MAPK14: variants seen among roughly 807,000 people sequenced by gnomAD.
MAPK14 encodes the protein CSAID-binding protein.
In MAPK14, 16 loss-of-function variants were observed where a neutral mutation model predicts 49.6. The ratio of observed to expected loss-of-function variants is 0.32; its 90% confidence interval spans 0.22 to 0.49. MAPK14 has a LOEUF of 0.49. Ranked by LOEUF, MAPK14 falls within the 20% of genes least tolerant of loss-of-function variation. The pLI is 0.99. For synonymous variants in MAPK14, 142 were observed against 158.0 expected, an observed-to-expected ratio of 0.90 and a Z score of 0.76; for missense variants, 200 against 441.2, an observed-to-expected ratio of 0.45 and a Z score of 4.90.
downstream of MAPK14, among the ~76,000 whole-genome samples, chr6:36,116,064 A>C (rs557409307): frequency 1.8e-3 from 281 of 152,320 alleles, 1 homozygote; most frequent in African/African-American, 6.3e-3. Context: ...AGCCATGATC[A>C]TTCCACTGCA....
chr6:36,037,345 T>G (rs921625458), intron 1 of MAPK14, among the ~76,000 whole-genome samples: 12 of 152,228 alleles, frequency 7.9e-5, no homozygotes, highest in Admixed American at 7.9e-4. Context: ...TGGTGGTTTG[T>G]AAATTCTGTA....
intron 8 of MAPK14, among the ~76,000 whole-genome samples, chr6:36,080,406 C>G (rs1179754367): frequency 6.6e-6 from 1 of 152,132 alleles, no homozygotes; most frequent in Non-Finnish European, 1.5e-5. Flanking sequence ...TTCTTTCTGT[C>G]TCTGTGGATT....
intron 8 of MAPK14, among the ~76,000 whole-genome samples, chr6:36,079,590 G>A (rs543058187): frequency 1.1e-4 from 16 of 152,300 alleles, no homozygotes; most frequent in East Asian, 5.8e-4. Context: ...CGTGCAGCCC[G>A]CAGGCCCTGG....
At chr6:36,075,311 A>C (rs1410265890) in intron 6 of MAPK14, among the ~76,000 whole-genome samples, 1 of 151,658 alleles carries the variant, frequency 6.6e-6, no homozygotes, top group Non-Finnish European at 1.5e-5. Context: ...GCTCCAGGCA[A>C]CTATGGATCT....
chr6:36,071,312 G>T, intron 3 of MAPK14, among the ~76,000 whole-genome samples: 1 of 151,440 alleles, frequency 6.6e-6, no homozygotes, highest in South Asian at 2.1e-4. Context: ...CAGCCTGGGC[G>T]ACAGAGCAAG....
chr6:36,078,110 C>G (rs1278298364), intron 8 of MAPK14, among the ~76,000 whole-genome samples: 1 of 152,240 alleles, frequency 6.6e-6, no homozygotes, highest in African/African-American at 2.4e-5. Context: ...AGCACATGCT[C>G]TGGAGCCAGA....
At chr6:36,089,117 C>T (rs1200350903) in intron 8 of MAPK14, among the ~76,000 whole-genome samples, 3 of 152,148 alleles carry the variant, frequency 2.0e-5, no homozygotes, top group African/African-American at 7.2e-5. Context: ...ATGTTGATTG[C>T]AGCAGTATTC....
chr6:36,039,192 C>T (rs934463480), intron 1 of MAPK14, among the ~76,000 whole-genome samples: 1 of 152,006 alleles, frequency 6.6e-6, no homozygotes, highest in Non-Finnish European at 1.5e-5. Context: ...AGATGTAAAC[C>T]CCTCTCCTCT....
rs528365304 is a variant in MAPK14 at position 36,032,232 on chromosome 6, A to C, written c.116+3959A>C. Among the ~76,000 whole-genome samples the C allele has an allele frequency of 3.3e-3, 496 of 152,322 alleles. 4 individuals carry two copies. The highest frequency in any genetic ancestry group is 0.011 in the African/African-American group (465 of 41,566). ...TTACAAATTATTTTAAGCCTATATT[A>C]TTTTAATTTATACTAAGTATAGTAA... On this transcript the variant is annotated intron_variant, in intron 1 of 11. Transcript: ENST00000229794.
chr6:36,093,212 A>G (rs1326057938), intron 8 of MAPK14, among the ~76,000 whole-genome samples: 2 of 152,170 alleles, frequency 1.3e-5, no homozygotes, highest in Non-Finnish European at 2.9e-5. Context: ...TTAAAGAATA[A>G]TAATTTGAGC....
the MAPK14 span, among the ~76,000 whole-genome samples, chr6:36,122,551 CAA>C: frequency 9.1e-4 from 135 of 147,614 alleles, no homozygotes; most frequent in Middle Eastern, 3.5e-3. Context: ...ACAAAATAGA[CAA>C]AGCCCCTACC....
chr6:36,034,897 C>CTTTTTTTTT (rs200316205), intron 1 of MAPK14, among the ~76,000 whole-genome samples: 13 of 121,018 alleles, frequency 1.1e-4, no homozygotes, highest in East Asian at 2.7e-4. Flanking sequence ...TTCTTTCTTT[C>CTTTTTTTTT]TTTTTTTTTT....
At position 36,031,037 on chromosome 6, in the gene MAPK14, C is replaced by T. The variant is rs186830832; in HGVS notation, c.116+2764C>T. ...TTTGAAGTTTTTCTTTTCTTTGAGA[C>T]GAAGTCTCACTCTGTCGCCCAGGCT... On this transcript the variant is annotated intron_variant, in intron 1 of 11. Transcript: ENST00000229794. 1.8e-3 allele frequency among the ~76,000 whole-genome samples: 275 copies of T among 152,326 alleles called. 1 individual carries two copies. The highest frequency in any genetic ancestry group is 3.2e-3 in the Non-Finnish European group (215 of 68,038).
At chr6:36,116,980 G>T in the MAPK14 span, among the ~76,000 whole-genome samples, 1 of 152,168 alleles carries the variant, frequency 6.6e-6, no homozygotes, top group Non-Finnish European at 1.5e-5. Flanking sequence ...TAGCATTGGT[G>T]TTAGACAATC....
intron 3 of MAPK14, among the ~76,000 whole-genome samples, chr6:36,071,226 G>A (rs1031541691): frequency 6.6e-6 from 1 of 151,916 alleles, no homozygotes; most frequent in Non-Finnish European, 1.5e-5. Context: ...CCAGCTACTC[G>A]GGAGGCTGAG....
At chr6:36,029,340 C>T (rs1004145925) in intron 1 of MAPK14, among the ~76,000 whole-genome samples, 2 of 152,124 alleles carry the variant, frequency 1.3e-5, no homozygotes, top group Non-Finnish European at 2.9e-5. Context: ...CTTTAATTTA[C>T]ACCGTGAGTG....
At chr6:36,056,390 T>C (rs1232252268) in intron 2 of MAPK14, among the ~76,000 whole-genome samples, 1 of 152,206 alleles carries the variant, frequency 6.6e-6, no homozygotes. Flanking sequence ...AAAATGGGAC[T>C]CAGAGAAGAT....
Position 36,028,240 on chromosome 6 carries a change from C to T in MAPK14, c.83C>T (p.Ser28Phe), listed in dbSNP as rs764628833. 5 of 1,613,690 alleles carry T rather than the reference C, an allele frequency of 3.1e-6. No individual in the cohort carries two copies. The highest frequency in any genetic ancestry group is 1.1e-5 in the South Asian group (1 of 91,064). ...WEVPERYQNL[S>F]PVGSGAYGSV... Reference sequence around the variant, plus strand: ...GTGCCCGAGCGTTACCAGAACCTGTCTCCAGTGGGCTCTGGCGCCTATGGC... The same window carrying T: ...GTGCCCGAGCGTTACCAGAACCTGTTTCCAGTGGGCTCTGGCGCCTATGGC... Residue 28 changes from serine to phenylalanine, a missense_variant, in exon 1 of 12, where the codon TCT becomes TTT. This residue lies in a region of MAPK14 where 30 missense variants were observed against 34.2 expected (regional missense o/e 0.88). Coordinates refer to ENST00000229794, the MANE Select transcript of MAPK14 (RefSeq NM_139012.3). The surrounding 1 kb of genome is among the most constrained non-coding windows in gnomAD (Gnocchi z 5.1).
intron 3 of MAPK14, among the ~76,000 whole-genome samples, chr6:36,064,323 A>ACT (rs1202737236): frequency 7.4e-6 from 1 of 134,910 alleles, no homozygotes. Flanking sequence ...CAAGCATAGT[A>ACT]GACAAGAATT....
Sources: gnomAD v4.1 joint callset for allele counts (sites outside exome capture counted in the v4.1 genomes callset) on GRCh38, gnomAD v4.1.1 for gene constraint, gnomAD v4.1.1 regional missense constraint, Gnocchi (gnomAD v3.1) non-coding constraint, MANE v1.5 for transcripts, NCBI Gene and HGNC (gene_info 2026-07-23, HGNC 2026-07-21) for gene names.